PPP1R16B: variants seen among roughly 807,000 people sequenced by gnomAD.
The protein encoded by PPP1R16B is protein phosphatase 1 regulatory inhibitor subunit 16B.
A neutral mutation model predicts 61.7 loss-of-function variants in PPP1R16B; 14 were observed. That is an observed-to-expected ratio of 0.23 (90% confidence interval 0.15 to 0.35). The LOEUF (loss-of-function observed/expected upper bound fraction) is 0.35. PPP1R16B is among the 10% of genes least tolerant of loss of function. The probability of loss-of-function intolerance (pLI) is 1.00; values close to 1 mark genes in which losing one functional copy is unlikely to be tolerated. For synonymous variants in PPP1R16B, 266 were observed against 305.3 expected (o/e 0.87, Z 1.34); for missense variants, 547 against 752.5 (o/e 0.73, Z 3.19).
chr20:38,918,907 C>T lies in PPP1R16B; in HGVS notation c.*241C>T, dbSNP rs1037285548. 1.7e-4 allele frequency: 75 copies of T among 449,204 alleles called. No homozygotes were observed. The highest frequency in any genetic ancestry group is 2.4e-4 in the Non-Finnish European group (61 of 259,294). The allele number at this position is 449,204 out of a possible 1,614,324, so 27.8% of individuals were successfully genotyped here. ...CAAGGCCTGTCGTGGCCTCCTGGTT[C>T]ACTCTGCTGTCTGATCTTGGGAGGG... On this transcript the variant is annotated 3_prime_UTR_variant, in exon 11 of 11. Transcript: ENST00000299824. This position sits in a 1 kb window ranked among gnomAD's most constrained non-coding sequence, Gnocchi z 5.3.
At chr20:38,865,359 G>T (rs938451503) in intron 2 of PPP1R16B, among the ~76,000 whole-genome samples, 1 of 149,936 alleles carries the variant, frequency 6.7e-6, no homozygotes, top group Non-Finnish European at 1.5e-5. Flanking sequence ...GCGCGATCTC[G>T]GCTCACTGCG....
rs371199491 is a variant in PPP1R16B at position 38,907,699 on chromosome 20, C to G, written c.899-107C>G. 1.5e-4 allele frequency: 217 copies of G among 1,426,198 alleles called. 1 individual carries two copies. In the East Asian group the frequency reaches 4.4e-3, roughly 29 times the overall value. 88.3% of individuals were successfully genotyped at this position (1,426,198 alleles called of 1,614,324 possible). ...GCCTCCCTGCATGCCCTGAAAGATGCTTGGAGTTTTCAGTGGGTTGGGGTG... is the reference window on the plus strand; with the variant it reads ...GCCTCCCTGCATGCCCTGAAAGATGGTTGGAGTTTTCAGTGGGTTGGGGTG... On this transcript the variant is annotated intron_variant, in intron 8 of 10. Transcript: ENST00000299824. The surrounding 1 kb of genome is among the most constrained non-coding windows in gnomAD (Gnocchi z 4.5).
rs563365286 is a variant in PPP1R16B, at chr20:38,915,953, T to C, written c.1195-2204T>C. Among the ~76,000 whole-genome samples the C allele has an allele frequency of 2.6e-4, 40 of 151,138 alleles. 1 individual carries two copies. In the South Asian group the frequency reaches 6.3e-3, roughly 24 times the overall value. On this transcript the variant is annotated intron_variant, in intron 10 of 10. Transcript: ENST00000299824. ...TGAATCAGAATATGGATTTTAACAA[T>C]ATCCCTAGGCAACTCACATACACAT... is the stretch of plus-strand genomic sequence containing the variant.
intron 2 of PPP1R16B, among the ~76,000 whole-genome samples, chr20:38,844,053 A>G (rs1004792190): frequency 6.6e-6 from 1 of 152,218 alleles, no homozygotes; most frequent in African/African-American, 2.4e-5. Context: ...CTGAAGCCAT[A>G]TCAATTTACA....
intron 6 of PPP1R16B, among the ~76,000 whole-genome samples, chr20:38,904,490 T>C (rs2085423605): frequency 1.3e-5 from 2 of 152,248 alleles, no homozygotes. Flanking sequence ...TTATTTTTAC[T>C]AACAATGCCA....
At chr20:38,815,761 C>T (rs1466347431) in intron 1 of PPP1R16B, among the ~76,000 whole-genome samples, 1 of 152,164 alleles carries the variant, frequency 6.6e-6, no homozygotes, top group East Asian at 1.9e-4. Flanking sequence ...TGGATTATGC[C>T]TACATAATGA....
Position 38,918,415 on chromosome 20 carries a change from C to T in PPP1R16B, c.1453C>T (p.Arg485Trp), listed in dbSNP as rs1238196327. ...QSPQTLLELK[R>W]QRAAAKLLSH... Reference sequence around the variant, plus strand: ...CCCTCAGACGCTTCTGGAGCTGAAGCGGCAGCGGGCTGCAGCCAAGCTGCT... The same window carrying T: ...CCCTCAGACGCTTCTGGAGCTGAAGTGGCAGCGGGCTGCAGCCAAGCTGCT... Residue 485 changes from arginine (R) to tryptophan (W), a missense_variant, in exon 11 of 11, where the codon CGG becomes TGG. Coordinates refer to ENST00000299824, the MANE Select transcript of PPP1R16B (RefSeq NM_015568.4). The surrounding 1 kb of genome is among the most constrained non-coding windows in gnomAD (Gnocchi z 5.3). 3.7e-6 allele frequency: 6 copies of T among 1,613,954 alleles called. No homozygotes were observed. Among genetic ancestry groups the T allele is most frequent in the Admixed American group, 1.7e-5 (1 of 60,010 alleles).
chr20:38,832,912 C>CAA (rs557919611), intron 1 of PPP1R16B, among the ~76,000 whole-genome samples: 4 of 68,276 alleles, frequency 5.9e-5, no homozygotes, highest in Non-Finnish European at 1.2e-4. Flanking sequence ...AGCGAGATCT[C>CAA]AAAAAAAAAA....
chr20:38,879,672 T>G (rs1278493420), intron 2 of PPP1R16B, among the ~76,000 whole-genome samples: 2 of 152,196 alleles, frequency 1.3e-5, no homozygotes, highest in Non-Finnish European at 2.9e-5. Context: ...GCTTATATCC[T>G]AAAGGGTGTG....
At chr20:38,878,302 G>C (rs2085182966) in intron 2 of PPP1R16B, among the ~76,000 whole-genome samples, 1 of 152,084 alleles carries the variant, frequency 6.6e-6, no homozygotes, top group Non-Finnish European at 1.5e-5. Context: ...CTTTAGGAAA[G>C]ACCAAAATTG....
At chr20:38,897,246 G>C (rs1319536322) in intron 4 of PPP1R16B, among the ~76,000 whole-genome samples, 1 of 152,288 alleles carries the variant, frequency 6.6e-6, no homozygotes, top group South Asian at 2.1e-4. Flanking sequence ...AGAATCGCTC[G>C]AACCCAGGAG....
At chr20:38,873,851 C>T (rs1399967469) in intron 2 of PPP1R16B, among the ~76,000 whole-genome samples, 1 of 151,958 alleles carries the variant, frequency 6.6e-6, no homozygotes, top group Admixed American at 6.5e-5. Context: ...ACCTCAGCCT[C>T]CCAGGTAGCT....
chr20:38,844,273 G>GT (rs1568659851), intron 2 of PPP1R16B, among the ~76,000 whole-genome samples: 1 of 152,202 alleles, frequency 6.6e-6, no homozygotes, highest in African/African-American at 2.4e-5. Flanking sequence ...CTGGGAAACT[G>GT]TAAGTTCGTG....
intron 2 of PPP1R16B, among the ~76,000 whole-genome samples, chr20:38,857,756 A>AC (rs1047389767): frequency 6.6e-6 from 1 of 151,708 alleles, no homozygotes; most frequent in African/African-American, 2.4e-5. Flanking sequence ...GACTCAGGGC[A>AC]CTCAGTGACT....
chr20:38,875,749 G>T (rs1313525216), intron 2 of PPP1R16B, among the ~76,000 whole-genome samples: 1 of 151,934 alleles, frequency 6.6e-6, no homozygotes, highest in East Asian at 1.9e-4. Flanking sequence ...AGTTGGGGCC[G>T]GGGGTAGAGA....
At chr20:38,886,505 C>T (rs1404009209) in intron 2 of PPP1R16B, among the ~76,000 whole-genome samples, 1 of 152,204 alleles carries the variant, frequency 6.6e-6, no homozygotes, top group African/African-American at 2.4e-5. Flanking sequence ...CATCCAGAAA[C>T]CCATCCTAGT....
chr20:38,855,369 A>AC (rs1568663223), intron 2 of PPP1R16B, among the ~76,000 whole-genome samples: 3 of 151,490 alleles, frequency 2.0e-5, no homozygotes, highest in African/African-American at 7.3e-5. Flanking sequence ...AAAAAAAAAA[A>AC]CAAAACCCTA....
intron 2 of PPP1R16B, among the ~76,000 whole-genome samples, chr20:38,884,662 G>A (rs1400494445): frequency 6.6e-6 from 1 of 152,212 alleles, no homozygotes; most frequent in Non-Finnish European, 1.5e-5. Flanking sequence ...GGGGCTGGAC[G>A]TGGTTGTGCG....
At chr20:38,889,869 C>A (rs974384363) in intron 3 of PPP1R16B, among the ~76,000 whole-genome samples, 1 of 152,234 alleles carries the variant, frequency 6.6e-6, no homozygotes, top group Admixed American at 6.5e-5. Context: ...GCCCTGTGTG[C>A]GCCCGCAGAC....
Sources: gnomAD v4.1 joint callset for allele counts (sites outside exome capture counted in the v4.1 genomes callset) on GRCh38, gnomAD v4.1.1 for gene constraint, Gnocchi (gnomAD v3.1) non-coding constraint, MANE v1.5 for transcripts, NCBI Gene and HGNC (gene_info 2026-07-23, HGNC 2026-07-21) for gene names.